STX8: variants seen among roughly 807,000 people sequenced by gnomAD.
STX8 encodes the protein syntaxin 8.
In STX8, 23 loss-of-function variants were observed where a neutral mutation model predicts 37.5. That is an observed-to-expected ratio of 0.61 (90% CI 0.44 to 0.87). The LOEUF is 0.87. Among genes scored for constraint, STX8 ranks in the 40% least tolerant of loss-of-function variants. The pLI, the probability that STX8 is intolerant of heterozygous loss-of-function variation, is 0.00. For missense variants in STX8, 313 were observed against 284.7 expected, an observed-to-expected ratio of 1.10 and a Z score of -0.71; for synonymous variants, 115 against 99.1, an observed-to-expected ratio of 1.16 and a Z score of -0.95.
intron 7 of STX8, among the ~76,000 whole-genome samples, chr17:9,271,867 C>T (rs997206341): frequency 6.6e-6 from 1 of 151,968 alleles, no homozygotes; most frequent in Non-Finnish European, 1.5e-5. Context: ...TCACACCATA[C>T]AATAAAATAT....
At chr17:9,350,308 T>C (rs928885325) in intron 7 of STX8, among the ~76,000 whole-genome samples, 8 of 152,208 alleles carry the variant, frequency 5.3e-5, no homozygotes, top group Non-Finnish European at 1.2e-4. Flanking sequence ...AACTTATGAA[T>C]TGTTTACTTC....
At chr17:9,384,794 T>TTTTGTGTGTGTGTGTG (rs141833380) in intron 6 of STX8, among the ~76,000 whole-genome samples, 1 of 147,656 alleles carries the variant, frequency 6.8e-6, no homozygotes, top group African/African-American at 2.5e-5. Context: ...CCAGATAGAC[T>TTTTGTGTGTGTGTGTG]TGTGTGTGTG....
intron 6 of STX8, among the ~76,000 whole-genome samples, chr17:9,396,492 T>C (rs900632227): frequency 6.6e-6 from 1 of 151,806 alleles, no homozygotes; most frequent in Non-Finnish European, 1.5e-5. Context: ...GGGCGGGTCA[T>C]CTGAGGTCAG....
At chr17:9,322,309 T>C (rs1413155225) in intron 7 of STX8, among the ~76,000 whole-genome samples, 1 of 152,258 alleles carries the variant, frequency 6.6e-6, no homozygotes, top group African/African-American at 2.4e-5. Flanking sequence ...CAGACTTCCA[T>C]GGTCCTGCTG....
chr17:9,332,014 G>A (rs1046070609), intron 7 of STX8, among the ~76,000 whole-genome samples: 3 of 152,186 alleles, frequency 2.0e-5, no homozygotes, highest in East Asian at 1.9e-4. Context: ...CAATGATTCC[G>A]AGTCTGGGAT....
intron 3 of STX8, among the ~76,000 whole-genome samples, chr17:9,552,043 T>C (rs9901876): frequency 0.022 from 3,378 of 152,110 alleles, 138 homozygotes; most frequent in African/African-American, 0.077. Context: ...AAGAACCATG[T>C]AACAGTTCTG....
intron 2 of STX8, among the ~76,000 whole-genome samples, chr17:9,564,024 T>C (rs1308448284): frequency 6.6e-6 from 1 of 152,222 alleles, no homozygotes; most frequent in African/African-American, 2.4e-5. Context: ...GGAAAGGCTT[T>C]TGATAAAATT....
intron 4 of STX8, among the ~76,000 whole-genome samples, chr17:9,529,660 G>A (rs1905734092): frequency 6.6e-6 from 1 of 152,194 alleles, no homozygotes; most frequent in Non-Finnish European, 1.5e-5. Context: ...AGCATGAACT[G>A]TGTAAACTCT....
intron 6 of STX8, among the ~76,000 whole-genome samples, chr17:9,383,918 C>A: frequency 6.6e-6 from 1 of 152,014 alleles, no homozygotes; most frequent in East Asian, 1.9e-4. Context: ...TGTGTAAGAC[C>A]TCTATAATAA....
chr17:9,259,826 G>A (rs371963478), intron 7 of STX8, among the ~76,000 whole-genome samples: 17 of 152,284 alleles, frequency 1.1e-4, no homozygotes, highest in East Asian at 9.7e-4. Flanking sequence ...ATTCAGCTAC[G>A]CGGGAGAAAA....
At chr17:9,505,291 C>T (rs1037708083) in intron 4 of STX8, 129 bp from the exon 5 acceptor site, 85 of 1,057,762 alleles carry the variant, frequency 8.0e-5, no homozygotes, top group Middle Eastern at 2.8e-4. Context: ...TTTATTGCAT[C>T]ATTAGTTTAT....
chr17:9,366,512 G>A (rs1911234843), intron 7 of STX8, among the ~76,000 whole-genome samples: 1 of 152,208 alleles, frequency 6.6e-6, no homozygotes, highest in Admixed American at 6.5e-5. Flanking sequence ...TTACAAGTGT[G>A]AGCCATCGCA....
chr17:9,572,207 A>G (rs1907713789), intron 1 of STX8, among the ~76,000 whole-genome samples: 1 of 152,214 alleles, frequency 6.6e-6, no homozygotes, highest in Non-Finnish European at 1.5e-5. Flanking sequence ...GCTAATTAAC[A>G]TTAGCAAAGA....
At chr17:9,256,059 G>C (rs908940596) in intron 7 of STX8, among the ~76,000 whole-genome samples, 1 of 152,232 alleles carries the variant, frequency 6.6e-6, no homozygotes, top group African/African-American at 2.4e-5. Context: ...ATGCGTGCCA[G>C]GTTTGGCACT....
intron 6 of STX8, among the ~76,000 whole-genome samples, chr17:9,460,870 C>T (rs1329079580): frequency 6.6e-6 from 1 of 151,934 alleles, no homozygotes; most frequent in Non-Finnish European, 1.5e-5. Flanking sequence ...CTCAGCCTCA[C>T]TTTCCCCAGC....
chr17:9,266,738 T>C (rs1244660818), intron 7 of STX8, among the ~76,000 whole-genome samples: 3 of 152,096 alleles, frequency 2.0e-5, no homozygotes, highest in Non-Finnish European at 4.4e-5. Context: ...TGACATGGAC[T>C]ATATATAACC....
At position 9,352,556 on chromosome 17, in the gene STX8, C is replaced by T. The variant is rs989584839; in HGVS notation, c.643+25996G>A. On this transcript the variant is annotated intron_variant, in intron 7 of 7. Transcript: ENST00000306357. ...AATCTCGGCTCACTGCAAGCTCCGC[C>T]TCCCGGGTTCACGCCATTCTCCTGC... is the stretch of plus-strand genomic sequence containing the variant. Among the ~76,000 whole-genome samples, 3 of 148,384 alleles carry T rather than the reference C, an allele frequency of 2.0e-5. No homozygotes were observed. The Admixed American group carries it at 2.0e-4, about 10-fold the overall frequency.
chr17:9,535,993 T>A (rs1381620325), intron 4 of STX8, among the ~76,000 whole-genome samples: 1 of 152,208 alleles, frequency 6.6e-6, no homozygotes, highest in Non-Finnish European at 1.5e-5. Context: ...ATGTATGATA[T>A]GTTACCATGT....
chr17:9,509,117 C>T (rs1904941556), intron 4 of STX8, among the ~76,000 whole-genome samples: 1 of 152,186 alleles, frequency 6.6e-6, no homozygotes. Context: ...GGCATGGTGG[C>T]AGGTGCCTGT....
Sources: gnomAD v4.1 joint callset for allele counts (sites outside exome capture counted in the v4.1 genomes callset) on GRCh38, gnomAD v4.1.1 for gene constraint, MANE v1.5 for transcripts, NCBI Gene and HGNC (gene_info 2026-07-23, HGNC 2026-07-21) for gene names.